Variants in OXSR1 observed in about 807,000 individuals in gnomAD.
OXSR1 encodes the protein oxidative stress responsive kinase 1.
In OXSR1, 24 loss-of-function variants were observed where a neutral mutation model predicts 79.8. The ratio of observed to expected loss-of-function variants is 0.30; its 90% CI spans 0.22 to 0.42. The LOEUF is 0.42. OXSR1 is among the 10% of genes least tolerant of loss of function. The pLI is 1.00. For missense variants in OXSR1, 430 were observed against 618.4 expected (o/e 0.70, Z 3.23); for synonymous variants, 226 against 209.2 (o/e 1.08, Z -0.69).
chr3:38,187,360 T>G (rs1004476799), intron 2 of OXSR1, among the ~76,000 whole-genome samples: 3 of 152,196 alleles, frequency 2.0e-5, no homozygotes, highest in African/African-American at 7.2e-5. Context: ...GACTCTAAAT[T>G]CAGGCAGTGA....
intron 1 of OXSR1, among the ~76,000 whole-genome samples, chr3:38,172,977 C>T (rs370796858): frequency 6.6e-6 from 1 of 152,178 alleles, no homozygotes; most frequent in Non-Finnish European, 1.5e-5. Context: ...GGTTGTTCCA[C>T]CTCTAGACTC....
chr3:38,250,979 TAAG>T, intron 15 of OXSR1, among the ~76,000 whole-genome samples: 1 of 152,220 alleles, frequency 6.6e-6, no homozygotes, highest in African/African-American at 2.4e-5. Flanking sequence ...AATAACTAGA[TAAG>T]AAGAAAAGCC....
chr3:38,171,761 C>T (rs1049038739), intron 1 of OXSR1, among the ~76,000 whole-genome samples: 2 of 151,682 alleles, frequency 1.3e-5, no homozygotes, highest in Non-Finnish European at 2.9e-5. Context: ...ATGTTAGTAT[C>T]ATTCTCACAA....
intron 11 of OXSR1, among the ~76,000 whole-genome samples, chr3:38,241,329 A>G (rs1371459561): frequency 6.6e-6 from 1 of 152,182 alleles, no homozygotes; most frequent in Non-Finnish European, 1.5e-5. Context: ...TTGATGTTCC[A>G]GATTTTAAAA....
intron 10 of OXSR1, 36 bp from the exon 11 acceptor site, chr3:38,236,803 A>G (rs775565734): frequency 1.6e-5 from 25 of 1,551,580 alleles, no homozygotes; most frequent in Admixed American, 3.9e-5. Context: ...TAAGCATGAA[A>G]TACCACCATA....
At position 38,183,125 on chromosome 3, in the gene OXSR1, T is replaced by C; in HGVS notation, c.183+10T>C. The C allele has an allele frequency of 7.1e-7, 1 of 1,399,714 alleles. No homozygotes were observed. The highest frequency in any genetic ancestry group is 1.0e-6 in the Non-Finnish European group (1 of 989,590). The allele number at this position is 1,399,714 out of a possible 1,614,324, so 86.7% of individuals were successfully genotyped here. Reference sequence around the variant, plus strand: ...CATGGATGAACTCCTGGTATGCACATCTTATACTTCTGAAATGGAGAGATA... The same window carrying C: ...CATGGATGAACTCCTGGTATGCACACCTTATACTTCTGAAATGGAGAGATA... On this transcript the variant is annotated intron_variant, in intron 2 of 17. Coordinates refer to ENST00000311806, the MANE Select transcript of OXSR1 (RefSeq NM_005109.3).
chr3:38,233,256 A>G (rs1421182094), intron 10 of OXSR1, among the ~76,000 whole-genome samples: 1 of 152,108 alleles, frequency 6.6e-6, no homozygotes, highest in African/African-American at 2.4e-5. Context: ...ACTTCATTCA[A>G]CTCCTGGAAC....
intron 15 of OXSR1, 42 bp from the exon 16 acceptor site, chr3:38,251,361 G>C: frequency 3.3e-6 from 5 of 1,526,864 alleles, no homozygotes; most frequent in Non-Finnish European, 4.5e-6. Context: ...ACAGTGGCAA[G>C]CACGCACAAA....
chr3:38,192,352 A>G (rs534258852), intron 3 of OXSR1, among the ~76,000 whole-genome samples: 7 of 152,204 alleles, frequency 4.6e-5, no homozygotes, highest in East Asian at 1.9e-4. Flanking sequence ...GAATCAGCCA[A>G]TACTCTAATG....
At chr3:38,235,080 G>A (rs1417305864) in intron 10 of OXSR1, among the ~76,000 whole-genome samples, 1 of 152,184 alleles carries the variant, frequency 6.6e-6, no homozygotes, top group Non-Finnish European at 1.5e-5. Flanking sequence ...TTAGGACTGG[G>A]GGTTTTGGAG....
At chr3:38,174,560 T>G (rs1042579354) in intron 1 of OXSR1, among the ~76,000 whole-genome samples, 5 of 152,064 alleles carry the variant, frequency 3.3e-5, no homozygotes, top group African/African-American at 1.2e-4. Context: ...CCAGCCTGGG[T>G]GACAGAATGA....
chr3:38,246,355 C>T, intron 13 of OXSR1, 134 bp downstream of exon 13: 1 of 872,350 alleles, frequency 1.1e-6, no homozygotes. Flanking sequence ...ATTCTGTCTT[C>T]ACATTTTTAA....
chr3:38,222,508 G>T (rs1168516273), intron 6 of OXSR1, among the ~76,000 whole-genome samples: 1 of 152,148 alleles, frequency 6.6e-6, no homozygotes, highest in Non-Finnish European at 1.5e-5. Flanking sequence ...GGGAACTTCT[G>T]CTTAGGTCTC....
chr3:38,213,026 G>A (rs1702417172), intron 4 of OXSR1, among the ~76,000 whole-genome samples: 1 of 152,166 alleles, frequency 6.6e-6, no homozygotes, highest in Non-Finnish European at 1.5e-5. Context: ...AACATGGATT[G>A]ATTATCTGGG....
chr3:38,185,852 G>T (rs1701874994), intron 2 of OXSR1, among the ~76,000 whole-genome samples: 1 of 150,188 alleles, frequency 6.7e-6, no homozygotes, highest in Non-Finnish European at 1.5e-5. Flanking sequence ...GGCTGAGGTG[G>T]CAAGATTGCT....
intron 10 of OXSR1, among the ~76,000 whole-genome samples, chr3:38,235,655 G>C (rs1260210364): frequency 1.3e-5 from 2 of 152,278 alleles, no homozygotes; most frequent in Non-Finnish European, 2.9e-5. Flanking sequence ...CTTCCAGGGA[G>C]GGGGGAAATG....
intron 2 of OXSR1, among the ~76,000 whole-genome samples, chr3:38,188,067 G>GGGGAATAT (rs1701916271): frequency 6.6e-6 from 1 of 152,138 alleles, no homozygotes; most frequent in Non-Finnish European, 1.5e-5. Flanking sequence ...GGAATAGAAG[G>GGGGAATAT]CAAGAAAAAG....
intron 2 of OXSR1, among the ~76,000 whole-genome samples, chr3:38,190,364 C>G (rs956660867): frequency 6.6e-6 from 1 of 151,948 alleles, no homozygotes; most frequent in Non-Finnish European, 1.5e-5. Flanking sequence ...ATAAAAAAAC[C>G]CTGTTTATTA....
chr3:38,181,276 G>A (rs1213941497), intron 1 of OXSR1, among the ~76,000 whole-genome samples: 5 of 149,992 alleles, frequency 3.3e-5, no homozygotes, highest in Non-Finnish European at 7.4e-5. Flanking sequence ...TGTTTCAGTT[G>A]TATAATTTCC....
Sources: allele counts gnomAD v4.1 joint callset (sites outside exome capture counted in the v4.1 genomes callset), GRCh38; gene constraint gnomAD v4.1.1; transcripts MANE v1.5; gene names NCBI Gene and HGNC (gene_info 2026-07-23, HGNC 2026-07-21).